The following CYYR1 variants were observed in gnomAD, a reference collection of about 807,000 sequenced individuals.
CYYR1 encodes cysteine and tyrosine-rich protein 1.
CYYR1 carries 14 observed loss-of-function variants against 15.2 expected under a neutral mutation model. That is an observed-to-expected ratio of 0.92 (90% CI 0.61 to 1.44). CYYR1 has a LOEUF of 1.44. CYYR1 is among the 40% of genes most tolerant of loss of function. CYYR1 has a pLI of 0.00. For synonymous variants in CYYR1, 80 were observed against 77.4 expected (o/e 1.03, Z -0.18); for missense variants, 228 against 209.5 (o/e 1.09, Z -0.54).
chr21:26,489,255 A>C (rs1025284749), intron 2 of CYYR1, among the ~76,000 whole-genome samples: 1 of 152,204 alleles, frequency 6.6e-6, no homozygotes, highest in East Asian at 1.9e-4. Context: ...GTAGTATACA[A>C]AATGAGAATA....
intron 2 of CYYR1, among the ~76,000 whole-genome samples, chr21:26,499,017 C>A (rs1390160108): frequency 2.0e-5 from 3 of 152,034 alleles, no homozygotes; most frequent in African/African-American, 7.3e-5. Flanking sequence ...AGCTGTGTTT[C>A]AAAATGATAT....
chr21:26,474,408 CTTTTTTTT>C (rs35912064), intron 3 of CYYR1, among the ~76,000 whole-genome samples: 1 of 125,560 alleles, frequency 8.0e-6, no homozygotes, highest in African/African-American at 3.1e-5. Context: ...TACACCGTGC[CTTTTTTTT>C]TTTTTTTTTT....
intron 2 of CYYR1, among the ~76,000 whole-genome samples, chr21:26,532,499 T>G (rs1426832346): frequency 6.6e-6 from 1 of 152,146 alleles, no homozygotes; most frequent in Non-Finnish European, 1.5e-5. Context: ...GTCCCTCCAC[T>G]GCTTCTGACA....
At chr21:26,482,302 T>C (rs2065192246) in intron 2 of CYYR1, 1 of 980,714 alleles carries the variant, frequency 1.0e-6, no homozygotes, top group African/African-American at 1.7e-5. Context: ...ATTTTTATTT[T>C]TCCATATACA....
chr21:26,566,290 T>C lies in CYYR1; in HGVS notation c.152A>G (p.Tyr51Cys), dbSNP rs753217024. Reference sequence around the variant, plus strand: ...CGAGAGGATATTCCCAATATAAGCGTAGTAGGAGCAACAGTAGGGCGTGGT... The same window carrying C: ...CGAGAGGATATTCCCAATATAAGCGCAGTAGGAGCAACAGTAGGGCGTGGT... ...DGTTPYCCSY[Y>C]AYIGNILSGT... Residue 51 changes from tyrosine (Y) to cysteine (C), a missense_variant, in exon 2 of 4, where the codon TAC becomes TGC. Transcript: ENST00000652641. 8.7e-6 allele frequency: 14 copies of C among 1,613,498 alleles called. No homozygotes were observed. Among genetic ancestry groups the C allele is most frequent in the African/African-American group, 1.3e-5 (1 of 74,878 alleles).
intron 2 of CYYR1, among the ~76,000 whole-genome samples, chr21:26,492,909 C>G (rs1183170091): frequency 1.3e-5 from 2 of 151,970 alleles, no homozygotes; most frequent in Admixed American, 1.3e-4. Context: ...AGGACGGCAT[C>G]TATCATATAT....
chr21:26,543,876 A>G (rs1490880335), intron 2 of CYYR1, among the ~76,000 whole-genome samples: 1 of 152,158 alleles, frequency 6.6e-6, no homozygotes, highest in Non-Finnish European at 1.5e-5. Flanking sequence ...ACTGCACTCC[A>G]GCCTGGGCTA....
chr21:26,491,281 C>T (rs1383193312), intron 2 of CYYR1, among the ~76,000 whole-genome samples: 1 of 152,140 alleles, frequency 6.6e-6, no homozygotes, highest in Non-Finnish European at 1.5e-5. Context: ...ATTATCTTAA[C>T]TTGCTTATGG....
chr21:26,522,465 A>G lies in CYYR1; in HGVS notation c.177-42036T>C, dbSNP rs940997146. Among the ~76,000 whole-genome samples the G allele has an allele frequency of 3.3e-5, 5 of 152,194 alleles. No homozygotes were observed. In the East Asian group the frequency reaches 9.6e-4, roughly 29 times the overall value. On this transcript the variant is annotated intron_variant, in intron 2 of 3. Transcript: ENST00000652641. ...TAAGGGTTATTTATATTTAGGGAGA[A>G]TGCTCTCCCAAATTATAGACAGTTT...
rs1403025540 is a variant in CYYR1, at chr21:26,572,980, C to A, written c.-40G>T. On this transcript the variant is annotated 5_prime_UTR_variant, in exon 1 of 4. Transcript: ENST00000652641. The stretch of plus-strand genomic sequence containing the variant: ...TGAGGCTTGGAGCGAAGGGAGAGCC[C>A]GGAACCGGAGGGAATGGGGAGGATG... The A allele has an allele frequency of 1.2e-6, 2 of 1,613,074 alleles. No individual in the cohort carries two copies. Among genetic ancestry groups the A allele is most frequent in the South Asian group, 2.2e-5 (2 of 90,908 alleles).
chr21:26,482,214 G>T, intron 2 of CYYR1: 1 of 827,512 alleles, frequency 1.2e-6, no homozygotes, highest in Non-Finnish European at 1.5e-6. Context: ...GCTGAGCCAA[G>T]CAATGTACCA....
At chr21:26,539,882 T>C (rs1211850247) in intron 2 of CYYR1, among the ~76,000 whole-genome samples, 1 of 152,236 alleles carries the variant, frequency 6.6e-6, no homozygotes, top group African/African-American at 2.4e-5. Context: ...TTTGATGCAT[T>C]CATAAGTAGC....
intron 2 of CYYR1, among the ~76,000 whole-genome samples, chr21:26,532,946 A>G (rs1009866974): frequency 3.9e-5 from 6 of 152,208 alleles, no homozygotes; most frequent in Admixed American, 2.0e-4. Context: ...TATGTATAAA[A>G]CATAAACAAA....
intron 2 of CYYR1, among the ~76,000 whole-genome samples, chr21:26,525,518 T>A (rs1569160330): frequency 6.6e-6 from 1 of 152,184 alleles, no homozygotes; most frequent in Non-Finnish European, 1.5e-5. Flanking sequence ...GCTTCAGCAC[T>A]ATCACCTTTA....
intron 2 of CYYR1, chr21:26,564,954 T>G (rs149452987): frequency 1.9e-4 from 72 of 382,726 alleles, no homozygotes; most frequent in African/African-American, 1.5e-3. Context: ...AGCTGATAAG[T>G]TACTGTAAAA....
At chr21:26,520,801 G>C (rs929969395) in intron 2 of CYYR1, among the ~76,000 whole-genome samples, 2 of 151,984 alleles carry the variant, frequency 1.3e-5, no homozygotes, top group African/African-American at 4.8e-5. Context: ...ATCTCCTTGT[G>C]GTTTTGATTT....
intron 2 of CYYR1, among the ~76,000 whole-genome samples, chr21:26,549,669 G>A (rs1344912818): frequency 6.6e-6 from 1 of 152,088 alleles, no homozygotes; most frequent in African/African-American, 2.4e-5. Flanking sequence ...GTGTGGGCCA[G>A]ATCCTCAAAG....
chr21:26,533,218 T>C (rs1245903584), intron 2 of CYYR1, among the ~76,000 whole-genome samples: 1 of 148,712 alleles, frequency 6.7e-6, no homozygotes, highest in African/African-American at 2.5e-5. Context: ...TTTATACATA[T>C]ATATTATATT....
At chr21:26,530,082 G>C (rs1601797060) in intron 2 of CYYR1, among the ~76,000 whole-genome samples, 1 of 152,088 alleles carries the variant, frequency 6.6e-6, no homozygotes, top group Non-Finnish European at 1.5e-5. Context: ...TCAGAGACTA[G>C]GGCAAACCTA....
Sources: allele counts gnomAD v4.1 joint callset (sites outside exome capture counted in the v4.1 genomes callset), GRCh38; gene constraint gnomAD v4.1.1; transcripts MANE v1.5; gene names NCBI Gene and HGNC (gene_info 2026-07-23, HGNC 2026-07-21).